AMMECR1: variants seen among roughly 807,000 people sequenced by gnomAD.
AMMECR1 encodes nuclear protein AMMECR1.
In AMMECR1, 3 loss-of-function variants were observed where a neutral mutation model predicts 22.5. The observed-to-expected ratio is 0.13, with a 90% CI of 0.06 to 0.35. The LOEUF (loss-of-function observed/expected upper bound fraction) is 0.35, where lower values mean the gene tolerates loss of function less well. AMMECR1 is among the 10% of genes least tolerant of loss of function. AMMECR1 has a pLI of 1.00. For missense variants in AMMECR1, 235 were observed against 278.7 expected (o/e 0.84, Z 1.12); for synonymous variants, 130 against 116.7 (o/e 1.11, Z -0.74).
chrX:110,376,766 A>G (rs1237644737), intron 2 of AMMECR1, among the ~76,000 whole-genome samples: 1 of 112,619 alleles, frequency 8.9e-6, no homozygotes, highest in Non-Finnish European at 1.9e-5. Context: ...CTGTTCTGTC[A>G]TCTAGAATAT....
At chrX:110,405,390 A>T (rs1030542042) in intron 2 of AMMECR1, among the ~76,000 whole-genome samples, 3 of 111,237 alleles carry the variant, frequency 2.7e-5, no homozygotes, top group Non-Finnish European at 3.8e-5. Flanking sequence ...AGCCAAATTA[A>T]CCTGGGAGGA....
chrX:110,339,354 A>G (rs1325718635), intron 2 of AMMECR1, among the ~76,000 whole-genome samples: 2 of 103,238 alleles, frequency 1.9e-5, no homozygotes, highest in African/African-American at 6.9e-5. Flanking sequence ...GCAAAAGGAC[A>G]CTGAGGACAA....
At chrX:110,294,256 AG>A (rs1213561110) in intron 1 of AMMECR1, among the ~76,000 whole-genome samples, 2 of 111,970 alleles carry the variant, frequency 1.8e-5, no homozygotes, top group Non-Finnish European at 3.8e-5. Flanking sequence ...AGATGAGATC[AG>A]CACTTTTACT....
intron 3 of AMMECR1, among the ~76,000 whole-genome samples, chrX:110,214,135 C>T (rs913755783): frequency 9.1e-5 from 10 of 109,910 alleles, no homozygotes; most frequent in African/African-American, 3.0e-4. Context: ...TAGTGGTGGG[C>T]GCCTGTAGTC....
chrX:110,387,241 A>G (rs1282284074), intron 2 of AMMECR1, among the ~76,000 whole-genome samples: 1 of 112,396 alleles, frequency 8.9e-6, no homozygotes, highest in African/African-American at 3.2e-5. Context: ...CACCTTTCCA[A>G]TGAAGACTTA....
At chrX:110,301,615 A>G (rs2067967387) in intron 1 of AMMECR1, among the ~76,000 whole-genome samples, 2 of 111,701 alleles carry the variant, frequency 1.8e-5, no homozygotes, top group African/African-American at 6.5e-5. Context: ...GTCCTAGTCT[A>G]GAGTCCAAGG....
chrX:110,402,107 C>T (rs946551411), intron 2 of AMMECR1, among the ~76,000 whole-genome samples: 1 of 112,370 alleles, frequency 8.9e-6, no homozygotes, highest in Non-Finnish European at 1.9e-5. Flanking sequence ...GATAATCTCT[C>T]TTGATATCAA....
chrX:110,199,969 A>G (rs1465166587), intron 5 of AMMECR1, among the ~76,000 whole-genome samples: 1 of 111,284 alleles, frequency 9.0e-6, no homozygotes, highest in Non-Finnish European at 1.9e-5. Flanking sequence ...TTTTCCTCTA[A>G]TGATCAGCTT....
intron 2 of AMMECR1, among the ~76,000 whole-genome samples, chrX:110,411,159 C>T (rs752035705): frequency 6.3e-5 from 7 of 111,800 alleles, no homozygotes; most frequent in African/African-American, 2.3e-4. Flanking sequence ...CTGTGGCCTC[C>T]GACAGTGAAC....
intron 1 of AMMECR1, among the ~76,000 whole-genome samples, chrX:110,276,288 C>T (rs1418765065): frequency 9.0e-6 from 1 of 111,324 alleles, no homozygotes; most frequent in Non-Finnish European, 1.9e-5. Flanking sequence ...CCTTTCAATC[C>T]TTCAACACAT....
intron 2 of AMMECR1, among the ~76,000 whole-genome samples, chrX:110,221,766 C>A (rs1376242070): frequency 9.0e-6 from 1 of 111,190 alleles, no homozygotes; most frequent in Non-Finnish European, 1.9e-5. Context: ...AAAAAAACAA[C>A]CCCATCAAAA....
At chrX:110,282,463 A>T (rs2067857257) in intron 1 of AMMECR1, among the ~76,000 whole-genome samples, 1 of 110,991 alleles carries the variant, frequency 9.0e-6, no homozygotes, top group Admixed American at 9.6e-5. Context: ...TGCTACAGGA[A>T]TCCAAGGACG....
At chrX:110,261,334 T>G (rs2067740450) in intron 2 of AMMECR1, among the ~76,000 whole-genome samples, 1 of 111,851 alleles carries the variant, frequency 8.9e-6, no homozygotes, top group African/African-American at 3.2e-5. Context: ...TAGAATGCCT[T>G]TAATTTCACT....
At chrX:110,231,379 G>GA (rs2067565227) in intron 2 of AMMECR1, among the ~76,000 whole-genome samples, 1 of 112,200 alleles carries the variant, frequency 8.9e-6, no homozygotes, top group Non-Finnish European at 1.9e-5. Flanking sequence ...TTAAAGAAAA[G>GA]AATTTTCAAC....
chrX:110,314,815 T>C (rs2068040472), intron 1 of AMMECR1, among the ~76,000 whole-genome samples: 1 of 112,079 alleles, frequency 8.9e-6, no homozygotes, highest in Non-Finnish European at 1.9e-5. Flanking sequence ...AGTGAAGAAT[T>C]TGTATCCATA....
intron 2 of AMMECR1, among the ~76,000 whole-genome samples, chrX:110,388,220 C>T (rs1302247197): frequency 9.0e-6 from 1 of 111,723 alleles, no homozygotes; most frequent in South Asian, 3.8e-4. Context: ...AAGGGGCCCA[C>T]ATCAAGTTTT....
intron 1 of AMMECR1, among the ~76,000 whole-genome samples, chrX:110,432,532 A>G (rs1296770263): frequency 8.9e-6 from 1 of 111,800 alleles, no homozygotes; most frequent in East Asian, 2.8e-4. Context: ...AGGAGTGTAC[A>G]TGCATGTGTA....
intron 2 of AMMECR1, among the ~76,000 whole-genome samples, chrX:110,409,152 C>G (rs771167032): frequency 9.0e-6 from 1 of 110,753 alleles, no homozygotes; most frequent in African/African-American, 3.3e-5. Context: ...TGTAGGTCAG[C>G]ATAGTCGGGG....
At chrX:110,301,651 C>T (rs1217443388) in intron 1 of AMMECR1, among the ~76,000 whole-genome samples, 2 of 111,286 alleles carry the variant, frequency 1.8e-5, no homozygotes, top group Non-Finnish European at 3.8e-5. Context: ...GTTGTGAAGC[C>T]GACTTGTACT....
Sources: allele counts gnomAD v4.1 joint callset (sites outside exome capture counted in the v4.1 genomes callset), GRCh38; gene constraint gnomAD v4.1.1; transcripts MANE v1.5; gene names NCBI Gene and HGNC (gene_info 2026-07-23, HGNC 2026-07-21).